CCDC169: variants seen among roughly 807,000 people sequenced by gnomAD.
CCDC169 encodes the protein coiled-coil domain containing 169, also known as coiled-coil domain-containing protein 169.
A neutral mutation model predicts 36.0 loss-of-function variants in CCDC169; 30 were observed. The ratio of observed to expected loss-of-function variants is 0.83; its 90% CI spans 0.62 to 1.13. CCDC169 has a LOEUF of 1.13. Among genes scored for constraint, CCDC169 ranks in the 50% most tolerant of loss-of-function variants. The pLI is 0.00. For synonymous variants in CCDC169, 85 were observed against 81.5 expected (o/e 1.04, Z -0.23); for missense variants, 245 against 245.9 (o/e 1.00, Z 0.03).
In CCDC169 at chr13:36,231,090, T is replaced by C. The variant is rs1283117012; in HGVS notation, c.*103A>G. 6 of 1,445,684 alleles carry C rather than the reference T, an allele frequency of 4.2e-6. No individual in the cohort carries two copies. The highest frequency in any genetic ancestry group is 2.0e-4 in the Middle Eastern group (1 of 5,064). 89.6% of individuals were successfully genotyped at this position (1,445,684 alleles called of 1,614,324 possible). A position where few individuals can be genotyped will look rare whatever the true frequency, so the allele number is the denominator to read the frequency against. On this transcript the variant is annotated 3_prime_UTR_variant, in exon 8 of 8. Coordinates refer to ENST00000239859, the MANE Select transcript of CCDC169 (RefSeq NM_001144981.3). ...CTAAAGAAAAATGTGGCAGTTCTTATCTATTTTATTCCCTGAAGAAATGTG... is the reference window on the plus strand; with the variant it reads ...CTAAAGAAAAATGTGGCAGTTCTTACCTATTTTATTCCCTGAAGAAATGTG...
chr13:36,260,202 C>A (rs1382110781), intron 4 of CCDC169, among the ~76,000 whole-genome samples: 1 of 152,178 alleles, frequency 6.6e-6, no homozygotes, highest in Non-Finnish European at 1.5e-5. Context: ...AACGTGAACC[C>A]AGGTAAAATG....
intron 7 of CCDC169, among the ~76,000 whole-genome samples, chr13:36,242,451 G>A (rs2138425018): frequency 6.6e-6 from 1 of 152,248 alleles, no homozygotes; most frequent in East Asian, 1.9e-4. Context: ...AACAAAAGGA[G>A]GATACTAACT....
Position 36,254,104 on chromosome 13 carries a change from T to C in CCDC169, c.355A>G (p.Lys119Glu). 1 of 1,545,668 alleles carries C rather than the reference T, an allele frequency of 6.5e-7. No homozygotes were observed. Among genetic ancestry groups the C allele is most frequent in the Non-Finnish European group, 8.7e-7 (1 of 1,145,252 alleles). The change falls in exon 5 of 8, where the codon AAG becomes GAG. Residue 119 changes from lysine (K) to glutamate (E), a missense_variant. Transcript: ENST00000239859. ...TTCACTTGACTTTCAAGAGTCTTCT[T>C]TTCTTCTTCTAGCTGTTTAAGTAAT... ...NTLLKQLEEE[K>E]KTLESQVKYY... is the part of the protein sequence containing the mutation.
intron 2 of CCDC169, among the ~76,000 whole-genome samples, chr13:36,294,204 C>T (rs1431529478): frequency 6.6e-6 from 1 of 152,180 alleles, no homozygotes; most frequent in Non-Finnish European, 1.5e-5. Flanking sequence ...TCTTTATACC[C>T]ACATACTAGC....
intron 4 of CCDC169, among the ~76,000 whole-genome samples, chr13:36,279,210 G>C (rs939094411): frequency 1.3e-5 from 2 of 152,022 alleles, no homozygotes; most frequent in African/African-American, 4.8e-5. Context: ...ATGGTGGTTG[G>C]GGTGGGGGTG....
chr13:36,274,171 C>A (rs1308165251), intron 4 of CCDC169: 1 of 151,520 alleles, frequency 6.6e-6, no homozygotes, highest in African/African-American at 2.4e-5. Flanking sequence ...ATAAGGCCAG[C>A]ATAAAAATAA....
chr13:36,285,614 G>GATAGATAGATAGATAGATAGATAC lies in CCDC169; in HGVS notation c.164-1913_164-1912insGTATCTATCTATCTATCTATCTAT, dbSNP rs568184993. 2.9e-3 allele frequency among the ~76,000 whole-genome samples: 395 copies of GATAGATAGATAGATAGATAGATAC among 138,138 alleles called. 1 individual carries two copies. The highest frequency in any genetic ancestry group is 0.012 in the Admixed American group (173 of 13,958). 90.6% of individuals were successfully genotyped at this position (138,138 alleles called of 152,430 possible). The stretch of plus-strand genomic sequence containing the variant: ...AGATAGATAGATAGATAGATAGATA[G>GATAGATAGATAGATAGATAGATAC]ATAGATACATAGATACATAGATACA... On this transcript the variant is annotated intron_variant, in intron 2 of 7. Coordinates refer to ENST00000239859, the MANE Select transcript of CCDC169 (RefSeq NM_001144981.3).
chr13:36,246,674 T>C (rs1432488966), intron 7 of CCDC169, among the ~76,000 whole-genome samples: 1 of 152,236 alleles, frequency 6.6e-6, no homozygotes, highest in Non-Finnish European at 1.5e-5. Context: ...ATATGTCTTA[T>C]GTGTTGCAGC....
At chr13:36,256,455 C>T (rs139681807) in intron 4 of CCDC169, among the ~76,000 whole-genome samples, 1 of 152,162 alleles carries the variant, frequency 6.6e-6, no homozygotes, top group Non-Finnish European at 1.5e-5. Flanking sequence ...ATAAAGCCAT[C>T]AGATCTTGTG....
At chr13:36,239,248 GAAA>G (rs56690598) in intron 7 of CCDC169, among the ~76,000 whole-genome samples, 121,990 of 147,408 alleles carry the variant, frequency 0.83, 49,934 homozygotes, top group Admixed American at 0.88. Context: ...TTAAAAAAAA[GAAA>G]AAAAAAAAAA....
At chr13:36,267,657 C>T (rs950051407) in intron 4 of CCDC169, among the ~76,000 whole-genome samples, 1 of 151,958 alleles carries the variant, frequency 6.6e-6, no homozygotes, top group Non-Finnish European at 1.5e-5. Context: ...TTAAAAAATA[C>T]AGAATGAATT....
chr13:36,255,895 C>T (rs1373304433), intron 4 of CCDC169, among the ~76,000 whole-genome samples: 1 of 152,178 alleles, frequency 6.6e-6, no homozygotes, highest in East Asian at 1.9e-4. Flanking sequence ...CATTCACTGC[C>T]AAGTCCTCGT....
intron 4 of CCDC169, among the ~76,000 whole-genome samples, chr13:36,263,971 G>A (rs1471868134): frequency 6.6e-6 from 1 of 152,106 alleles, no homozygotes; most frequent in Admixed American, 6.5e-5. Context: ...GGCTACCATA[G>A]TAACATAGAT....
chr13:36,263,936 G>A (rs1030445627), intron 4 of CCDC169, among the ~76,000 whole-genome samples: 5 of 152,224 alleles, frequency 3.3e-5, no homozygotes, highest in South Asian at 2.1e-4. Flanking sequence ...CCACATGGAC[G>A]CTTGCTCCAA....
chr13:36,264,060 T>G (rs1376426582), intron 4 of CCDC169, among the ~76,000 whole-genome samples: 1 of 152,188 alleles, frequency 6.6e-6, no homozygotes, highest in Admixed American at 6.6e-5. Context: ...ATGGAAAATG[T>G]ATTCTAAGTT....
At chr13:36,243,548 T>C (rs1420026172) in intron 7 of CCDC169, among the ~76,000 whole-genome samples, 2 of 152,030 alleles carry the variant, frequency 1.3e-5, no homozygotes, top group Non-Finnish European at 2.9e-5. Flanking sequence ...GGCTCATGCC[T>C]GTAATCCCAG....
intron 7 of CCDC169, among the ~76,000 whole-genome samples, chr13:36,231,795 C>T (rs981591678): frequency 6.6e-6 from 1 of 152,132 alleles, no homozygotes; most frequent in Non-Finnish European, 1.5e-5. Context: ...TCTGGACTTC[C>T]TCAGGGAAAG....
At chr13:36,262,389 C>T (rs564937299) in intron 4 of CCDC169, among the ~76,000 whole-genome samples, 1 of 152,284 alleles carries the variant, frequency 6.6e-6, no homozygotes, top group African/African-American at 2.4e-5. Context: ...TGTGAAAGTA[C>T]ATTATATATT....
intron 2 of CCDC169, among the ~76,000 whole-genome samples, chr13:36,292,561 A>G (rs1566093335): frequency 6.6e-6 from 1 of 152,200 alleles, no homozygotes; most frequent in African/African-American, 2.4e-5. Flanking sequence ...GAGAATATAA[A>G]GCTCTTTGGA....
Sources: allele counts gnomAD v4.1 joint callset (sites outside exome capture counted in the v4.1 genomes callset), GRCh38; gene constraint gnomAD v4.1.1; transcripts MANE v1.5; gene names NCBI Gene and HGNC (gene_info 2026-07-23, HGNC 2026-07-21).